The following CNGB3 variants were observed in gnomAD, a reference collection of about 807,000 sequenced individuals.
The protein encoded by CNGB3 is cyclic nucleotide-gated channel beta-3.
CNGB3 carries 86 observed loss-of-function variants against 92.8 expected under a neutral mutation model. The observed-to-expected ratio is 0.93, with a 90% CI of 0.78 to 1.11. The LOEUF is 1.11. CNGB3 is among the 50% of genes least tolerant of loss of function. The pLI, the probability that CNGB3 is intolerant of heterozygous loss-of-function variation, is 0.00. For synonymous variants in CNGB3, 333 were observed against 332.7 expected (o/e 1.00, Z -0.01); for missense variants, 1,026 against 956.8 (o/e 1.07, Z -0.95).
chr8:86,578,695 T>G lies in CNGB3; in HGVS notation c.2097A>C (p.Ala699=). The change falls in exon 17 of 18, where the codon GCA becomes GCC. Residue 699 remains alanine, a synonymous_variant. Coordinates refer to ENST00000320005, the MANE Select transcript of CNGB3 (RefSeq NM_019098.5). The part of the protein sequence containing the change: ...ARLLKLKREQ[A]AQKKENSEGG... ...ATTCACTCCACCTTATTACCTGAGC[T>G]GCTTGCTCTCGCTTCAATTTGAGTA... 6.2e-7 allele frequency: 1 copy of G among 1,613,962 alleles called. No homozygotes were observed. Among genetic ancestry groups the G allele is most frequent in the Non-Finnish European group, 8.5e-7 (1 of 1,180,020 alleles).
intron 3 of CNGB3, among the ~76,000 whole-genome samples, chr8:86,690,511 C>T (rs1464382288): frequency 6.6e-6 from 1 of 152,156 alleles, no homozygotes; most frequent in African/African-American, 2.4e-5. Context: ...TGTAGGTTGC[C>T]TATTCACTCT....
chr8:86,742,311 A>C (rs1214237304), intron 1 of CNGB3, among the ~76,000 whole-genome samples: 1 of 152,230 alleles, frequency 6.6e-6, no homozygotes, highest in African/African-American at 2.4e-5. Context: ...GTTCTTAAAC[A>C]TATAGATAAC....
intron 6 of CNGB3, chr8:86,660,109 G>T: frequency 3.2e-6 from 1 of 312,632 alleles, no homozygotes. Context: ...GAGAAAGCAT[G>T]GTCTTTGCAC....
intron 7 of CNGB3, 142 bp downstream of exon 7, chr8:86,653,870 T>C (rs1484455490): frequency 2.9e-6 from 2 of 683,966 alleles, no homozygotes; most frequent in East Asian, 2.7e-5. Flanking sequence ...CAGGTAATTA[T>C]TGAGAGGCAG....
At chr8:86,606,298 A>G (rs1215397984) in intron 14 of CNGB3, among the ~76,000 whole-genome samples, 2 of 151,720 alleles carry the variant, frequency 1.3e-5, no homozygotes, top group Non-Finnish European at 2.9e-5. Flanking sequence ...CCACAGGCAT[A>G]AGCCACCATG....
intron 6 of CNGB3, among the ~76,000 whole-genome samples, chr8:86,663,906 T>C (rs1403996317): frequency 1.3e-5 from 2 of 152,248 alleles, no homozygotes; most frequent in Non-Finnish European, 2.9e-5. Flanking sequence ...TAACACTTCA[T>C]TGTGTGCAAA....
chr8:86,661,395 C>T lies in CNGB3; in HGVS notation c.852+5530G>A, dbSNP rs111652758. ...AATCATGTAAGAGTTAATTCTCTAT[C>T]AGGAAGAGGACAAAAAAATTCCAGC... On this transcript the variant is annotated intron_variant, in intron 6 of 17. Transcript: ENST00000320005. 1,870 of 439,946 alleles carry T rather than the reference C, an allele frequency of 4.3e-3. 26 individuals carry two copies. The highest frequency in any genetic ancestry group is 0.035 in the African/African-American group (1,732 of 49,084). 27.3% of individuals were successfully genotyped at this position (439,946 alleles called of 1,614,324 possible). A position where few individuals can be genotyped will look rare whatever the true frequency, so the allele number is the denominator to read the frequency against.
At chr8:86,635,669 A>G (rs1823048245) in intron 10 of CNGB3, among the ~76,000 whole-genome samples, 1 of 151,338 alleles carries the variant, frequency 6.6e-6, no homozygotes, top group East Asian at 1.9e-4. Flanking sequence ...CCTCTTATGG[A>G]TTTCCTAAGA....
In CNGB3 at chr8:86,666,991, G is replaced by A. The variant is rs1460698523; in HGVS notation, c.786C>T (p.Ile262=). ...TAAATAGCATATCATAAAGGTAGATGATATCACATATGATGTCCGCAATAA... is the reference window on the plus strand; with the variant it reads ...TAAATAGCATATCATAAAGGTAGATAATATCACATATGATGTCCGCAATAA... The part of the protein sequence containing the change: ...YWLIADIICD[I]IYLYDMLFIQ... Residue 262 remains isoleucine (I), a synonymous_variant, in exon 6 of 18, where the codon ATC becomes ATT. Transcript: ENST00000320005. 4 of 1,613,762 alleles carry A rather than the reference G, an allele frequency of 2.5e-6. No individual in the cohort carries two copies. The highest frequency in any genetic ancestry group is 1.7e-6 in the Non-Finnish European group (2 of 1,179,996).
Position 86,632,839 on chromosome 8 carries a change from A to T in CNGB3, c.1233T>A (p.Leu411=), listed in dbSNP as rs766732208. Residue 411 remains leucine, a synonymous_variant, in exon 11 of 18, where the codon CTT becomes CTA. Transcript: ENST00000320005. ...AVRTLITIGG[L]PEPQTLFEIV... ...TTTCAAATAAAGTTTGTGGTTCTGG[A>T]AGGCCACCAATGGTAATTAAAGTTC... The T allele has an allele frequency of 1.2e-6, 2 of 1,612,906 alleles. No individual in the cohort carries two copies. Among genetic ancestry groups the T allele is most frequent in the Middle Eastern group, 1.9e-4 (1 of 5,342 alleles).
At chr8:86,597,761 C>A (rs1008510784) in intron 15 of CNGB3, among the ~76,000 whole-genome samples, 1 of 152,084 alleles carries the variant, frequency 6.6e-6, no homozygotes, top group African/African-American at 2.4e-5. Flanking sequence ...AGGTGGATCA[C>A]CTGAGGTCAG....
chr8:86,647,886 A>G lies in CNGB3; in HGVS notation c.905T>C (p.Leu302Ser). The G allele has an allele frequency of 3.2e-6, 5 of 1,574,194 alleles. No individual in the cohort carries two copies. Among genetic ancestry groups the G allele is most frequent in the Non-Finnish European group, 3.5e-6 (4 of 1,144,648 alleles). The change falls in exon 8 of 18, where the codon TTG becomes TCG. Residue 302 changes from leucine to serine, a missense_variant and splice_region_variant. Leu to Ser is a moderately radical substitution (Grantham distance 145, BLOSUM62 -2). Transcript: ENST00000320005. ...KHYRTSTKFQ[L>S]DVASIIPFDI... ...AAATGGTATTATTGATGCGACATCC[A>G]ACTGTTGAAAGAACACATTCACAAA...
chr8:86,638,139 T>C (rs1823110896), intron 10 of CNGB3, among the ~76,000 whole-genome samples: 1 of 152,184 alleles, frequency 6.6e-6, no homozygotes, highest in African/African-American at 2.4e-5. Flanking sequence ...ATACCTAGCC[T>C]GCCTCAAGTT....
chr8:86,667,251 G>T, intron 5 of CNGB3, 118 bp from the exon 6 acceptor site: 1 of 845,952 alleles, frequency 1.2e-6, no homozygotes, highest in Non-Finnish European at 2.0e-6. Context: ...GCCATAGGAG[G>T]CTCTATTAAA....
At chr8:86,586,678 A>G (rs1437636738) in intron 15 of CNGB3, among the ~76,000 whole-genome samples, 1 of 151,274 alleles carries the variant, frequency 6.6e-6, no homozygotes, top group African/African-American at 2.5e-5. Context: ...ATCATTTTTT[A>G]TGGCTGCATA....
intron 15 of CNGB3, among the ~76,000 whole-genome samples, chr8:86,592,146 C>G (rs1331318630): frequency 6.6e-6 from 1 of 152,236 alleles, no homozygotes; most frequent in Admixed American, 6.5e-5. Context: ...GGAAAGGGAA[C>G]TCCCTAACCC....
chr8:86,734,826 G>C (rs1331977413), intron 2 of CNGB3, among the ~76,000 whole-genome samples: 2 of 152,088 alleles, frequency 1.3e-5, no homozygotes, highest in East Asian at 1.9e-4. Flanking sequence ...TATCTGGCTT[G>C]TATCAGGGTT....
intron 15 of CNGB3, chr8:86,593,680 C>A: frequency 1.5e-6 from 1 of 652,904 alleles, no homozygotes; most frequent in Non-Finnish European, 2.7e-6. Flanking sequence ...CTGCCCACAG[C>A]CAGACCTCAC....
intron 10 of CNGB3, among the ~76,000 whole-genome samples, chr8:86,633,534 G>A (rs983413067): frequency 6.6e-6 from 1 of 152,168 alleles, no homozygotes. Context: ...TTCCCCCAGA[G>A]CAATAGCAGC....
Sources: allele counts gnomAD v4.1 joint callset (sites outside exome capture counted in the v4.1 genomes callset), GRCh38; gene constraint gnomAD v4.1.1; transcripts MANE v1.5; gene names NCBI Gene and HGNC (gene_info 2026-07-23, HGNC 2026-07-21).